NOTCH3: variants seen among roughly 807,000 people sequenced by gnomAD.
NOTCH3 encodes the protein neurogenic locus notch homolog protein 3.
A neutral mutation model predicts 213.3 loss-of-function variants in NOTCH3; 86 were observed. The observed-to-expected ratio is 0.40, with a 90% CI of 0.34 to 0.48. The LOEUF (loss-of-function observed/expected upper bound fraction) is 0.48, where lower values mean the gene tolerates loss of function less well. Among genes scored for constraint, NOTCH3 ranks in the 20% least tolerant of loss-of-function variants. The pLI, the probability that NOTCH3 is intolerant of heterozygous loss-of-function variation, is 0.57. For missense variants in NOTCH3, 2,783 were observed against 3,272.6 expected, an observed-to-expected ratio of 0.85 and a Z score of 3.65; for synonymous variants, 1,354 against 1,355.9, an observed-to-expected ratio of 1.00 and a Z score of 0.03.
At chr19:15,187,712 G>A (rs1168999038) in intron 10 of NOTCH3, among the ~76,000 whole-genome samples, 169 bp downstream of exon 10, 1 of 151,906 alleles carries the variant, frequency 6.6e-6, no homozygotes, top group Non-Finnish European at 1.5e-5. Context: ...GGCTCCACAC[G>A]TAGCCTTATG....
chr19:15,162,357 G>A (rs183079894), intron 32 of NOTCH3, 108 bp downstream of exon 32: 5 of 842,972 alleles, frequency 5.9e-6, no homozygotes, highest in African/African-American at 1.7e-5. Context: ...AATGTTTGGG[G>A]TTTTATTTTG....
In NOTCH3 at chr19:15,199,344, T is replaced by C. The variant is rs545789487; in HGVS notation, c.118+1444A>G. On this transcript the variant is annotated intron_variant, in intron 1 of 32. Transcript: ENST00000263388. ...GCAGGTTGTGTCTGTTGTGCGTCTG[T>C]GTATGTGAACCGTGTAAATGGGTGT... 5.3e-5 allele frequency among the ~76,000 whole-genome samples: 8 copies of C among 152,330 alleles called. No homozygotes were observed. The South Asian group carries it at 1.7e-3, about 32-fold the overall frequency.
In NOTCH3 at chr19:15,160,626, C is replaced by A. The variant is rs543932222; in HGVS notation, c.*36G>T. 7.9e-6 allele frequency: 12 copies of A among 1,511,998 alleles called. No individual in the cohort carries two copies. The highest frequency in any genetic ancestry group is 9.2e-6 in the Non-Finnish European group (10 of 1,086,912). 93.7% of individuals were successfully genotyped at this position (1,511,998 alleles called of 1,614,324 possible). A position where few individuals can be genotyped will look rare whatever the true frequency, so the allele number is the denominator to read the frequency against. ...AAGAAAGGAGGCAGGACGGGGGTCTCTTTAGGCCCCCAAGATCTAAGAACT... is the reference window on the plus strand; with the variant it reads ...AAGAAAGGAGGCAGGACGGGGGTCTATTTAGGCCCCCAAGATCTAAGAACT... On this transcript the variant is annotated 3_prime_UTR_variant, in exon 33 of 33. Coordinates refer to ENST00000263388, the MANE Select transcript of NOTCH3 (RefSeq NM_000435.3).
At chr19:15,164,414 A>G (rs374814445) in intron 31 of NOTCH3, among the ~76,000 whole-genome samples, 1 of 151,778 alleles carries the variant, frequency 6.6e-6, no homozygotes, top group Non-Finnish European at 1.5e-5. Flanking sequence ...GGTGATGGGC[A>G]CCTTTAGTCC....
chr19:15,163,352 C>A (rs2046661030), intron 31 of NOTCH3, among the ~76,000 whole-genome samples: 1 of 152,166 alleles, frequency 6.6e-6, no homozygotes, highest in Non-Finnish European at 1.5e-5. Context: ...ACACTTTATA[C>A]AAACACTAAC....
At chr19:15,197,479 G>A (rs1295848591) in intron 2 of NOTCH3, 21 bp downstream of exon 2, 6 of 1,565,736 alleles carry the variant, frequency 3.8e-6, no homozygotes, top group Non-Finnish European at 5.3e-6. Flanking sequence ...GCCCACTGGT[G>A]GCTCTGAGCC....
chr19:15,188,880 G>A (rs1336208239), intron 8 of NOTCH3, 109 bp downstream of exon 8: 4 of 1,087,724 alleles, frequency 3.7e-6, no homozygotes, highest in African/African-American at 1.6e-5. Context: ...GTCTCTAAGG[G>A]TCCCACTCCA....
Position 15,180,800 on chromosome 19 carries a change from G to C in NOTCH3, c.3023C>G (p.Pro1008Arg). ...GACGCAGCGACCCCCGTTTTGACAAGGCTGGCGGCTGCACCAATCCACCAG... is the reference window on the plus strand; with the variant it reads ...GACGCAGCGACCCCCGTTTTGACAACGCTGGCGGCTGCACCAATCCACCAG... ...QTLVDWCSRQ[P>R]CQNGGRCVQT... Residue 1008 changes from proline (P) to arginine (R), a missense_variant, in exon 19 of 33, where the codon CCT becomes CGT. Coordinates refer to ENST00000263388, the MANE Select transcript of NOTCH3 (RefSeq NM_000435.3). 6.2e-7 allele frequency: 1 copy of C among 1,611,414 alleles called. No homozygotes were observed. Among genetic ancestry groups the C allele is most frequent in the Non-Finnish European group, 8.5e-7 (1 of 1,179,280 alleles).
At position 15,174,358 on chromosome 19, in the gene NOTCH3, G is replaced by C. The variant is rs2145409332; in HGVS notation, c.4446C>G (p.Gly1482=). ...CCGTGTTGCAGCCCTGGTCGCAGCG[G>C]CCGTCGGCAAAGTGGTCGGCGCAGT... is the stretch of plus-strand genomic sequence containing the variant. ...EKYCADHFAD[G]RCDQGCNTEE... is the part of the protein sequence containing the mutation. Residue 1482 remains glycine, a synonymous_variant, in exon 25 of 33, where the codon GGC becomes GGG. Coordinates refer to ENST00000263388, the MANE Select transcript of NOTCH3 (RefSeq NM_000435.3). 1 of 1,546,260 alleles carries C rather than the reference G, an allele frequency of 6.5e-7. No homozygotes were observed. Among genetic ancestry groups the C allele is most frequent in the African/African-American group, 1.4e-5 (1 of 73,066 alleles).
At chr19:15,198,179 T>A (rs755045827) in intron 1 of NOTCH3, among the ~76,000 whole-genome samples, 27 of 152,302 alleles carry the variant, frequency 1.8e-4, no homozygotes, top group Non-Finnish European at 3.8e-4. Flanking sequence ...GCACAAGGCA[T>A]GTGCTGCCCT....
At chr19:15,198,848 T>G (rs1599401888) in intron 1 of NOTCH3, among the ~76,000 whole-genome samples, 2 of 151,632 alleles carry the variant, frequency 1.3e-5, no homozygotes, top group South Asian at 4.2e-4. Flanking sequence ...GAAGCGGAGG[T>G]TGCAGTGACC....
rs749319462 is a variant in NOTCH3 at position 15,191,560 on chromosome 19, G to A, written c.900C>T (p.Cys300=). ...CGCCTGTCCAGCCATTGACACACAC[G>A]CAGCTGTGGCCACCCAGCGTGTTGA... The part of the protein sequence containing the change: ...TCFNTLGGHS[C]VCVNGWTGES... Residue 300 remains cysteine, a synonymous_variant, in exon 6 of 33, where the codon TGC becomes TGT. Transcript: ENST00000263388. The A allele has an allele frequency of 5.0e-6, 8 of 1,613,516 alleles. No individual in the cohort carries two copies. The highest frequency in any genetic ancestry group is 1.3e-5 in the African/African-American group (1 of 74,952).
intron 32 of NOTCH3, chr19:15,162,238 T>C (rs948865425): frequency 2.0e-5 from 11 of 546,602 alleles, no homozygotes; most frequent in South Asian, 2.0e-5. Context: ...CATCTCGACC[T>C]CCCAAAGTGC....
intron 31 of NOTCH3, among the ~76,000 whole-genome samples, chr19:15,163,646 C>T (rs2046662742): frequency 6.6e-6 from 1 of 152,146 alleles, no homozygotes; most frequent in African/African-American, 2.4e-5. Flanking sequence ...GCCTGGGCAA[C>T]AAAGTGAGAC....
intron 16 of NOTCH3, among the ~76,000 whole-genome samples, chr19:15,183,462 C>T (rs1395074296): frequency 1.3e-5 from 2 of 151,876 alleles, no homozygotes; most frequent in South Asian, 2.1e-4. Flanking sequence ...TACAATGACA[C>T]AATCTCAGCT....
intron 16 of NOTCH3, among the ~76,000 whole-genome samples, chr19:15,182,233 G>A (rs564722913): frequency 4.6e-5 from 7 of 152,160 alleles, no homozygotes; most frequent in South Asian, 2.1e-4. Flanking sequence ...TAGGCTGGGC[G>A]TGGTGGCACA....
At chr19:15,186,717 T>G (rs1195447025) in intron 12 of NOTCH3, among the ~76,000 whole-genome samples, 161 bp downstream of exon 12, 5 of 152,048 alleles carry the variant, frequency 3.3e-5, no homozygotes, top group Admixed American at 2.6e-4. Context: ...CAGAATAATC[T>G]CGAAACAACC....
Position 15,181,805 on chromosome 19 carries a change from C to A in NOTCH3, c.2567-4G>T, listed in dbSNP as rs72992083. The A allele has an allele frequency of 3.9e-6, 6 of 1,552,622 alleles. No homozygotes were observed. The highest frequency in any genetic ancestry group is 5.2e-6 in the Non-Finnish European group (6 of 1,148,392). The stretch of plus-strand genomic sequence containing the variant: ...GAGCCACCGTTCAGGCATGGGTCTG[C>A]GGACAGGAGGAAGGCGGTCTGGTCA... On this transcript the variant is annotated splice_polypyrimidine_tract_variant and splice_region_variant and intron_variant, in intron 16 of 32. Coordinates refer to ENST00000263388, the MANE Select transcript of NOTCH3 (RefSeq NM_000435.3).
intron 7 of NOTCH3, 43 bp from the exon 8 acceptor site, chr19:15,189,217 A>AC (rs1173138354): frequency 6.2e-7 from 1 of 1,611,744 alleles, no homozygotes; most frequent in Non-Finnish European, 8.5e-7. Flanking sequence ...GCTGGCCGGG[A>AC]CCCCCTCCTC....
Sources: allele counts gnomAD v4.1 joint callset (sites outside exome capture counted in the v4.1 genomes callset), GRCh38; gene constraint gnomAD v4.1.1; transcripts MANE v1.5; gene names NCBI Gene and HGNC (gene_info 2026-07-23, HGNC 2026-07-21).